WRN: variants seen among roughly 807,000 people sequenced by gnomAD.
WRN encodes bifunctional 3'-5' exonuclease/ATP-dependent helicase WRN.
A neutral mutation model predicts 180.7 loss-of-function variants in WRN; 149 were observed. The ratio of observed to expected loss-of-function variants is 0.82; its 90% CI spans 0.72 to 0.94. WRN has a LOEUF of 0.94. Ranked by LOEUF, WRN falls within the 40% of genes least tolerant of loss-of-function variation. WRN has a pLI of 0.00. For missense variants in WRN, 1,661 were observed against 1,700.1 expected (o/e 0.98, Z 0.40); for synonymous variants, 548 against 568.9 (o/e 0.96, Z 0.52).
intron 16 of WRN, among the ~76,000 whole-genome samples, chr8:31,094,888 T>C (rs1164872859): frequency 6.6e-6 from 1 of 152,208 alleles, no homozygotes; most frequent in Non-Finnish European, 1.5e-5. Context: ...TTGGGTTGTT[T>C]CCTTTTTGGC....
At chr8:31,040,771 G>T (rs951123967) in intron 1 of WRN, among the ~76,000 whole-genome samples, 1 of 152,184 alleles carries the variant, frequency 6.6e-6, no homozygotes, top group Non-Finnish European at 1.5e-5. Flanking sequence ...CGTTTGAGTA[G>T]TTTTCCTACA....
chr8:31,089,173 A>G (rs1251896831), intron 13 of WRN, among the ~76,000 whole-genome samples: 2 of 152,134 alleles, frequency 1.3e-5, no homozygotes, highest in Non-Finnish European at 2.9e-5. Flanking sequence ...TAAGTGAGGA[A>G]AAATGGTTTT....
intron 1 of WRN, among the ~76,000 whole-genome samples, chr8:31,048,355 G>T (rs1171724376): frequency 1.3e-5 from 2 of 152,020 alleles, no homozygotes; most frequent in African/African-American, 4.8e-5. Context: ...GCATTCTTTG[G>T]TTTTTCTCTG....
rs1374804871 is a variant in WRN at position 31,059,248 on chromosome 8, C to G, written c.192C>G (p.Phe64Leu). The change falls in exon 3 of 35, where the codon TTC (phenylalanine) becomes TTG (leucine). Residue 64 changes from phenylalanine to leucine, a missense_variant. Transcript: ENST00000298139. ...GTTACGATGCTAGTGATTGCTCTTTCCTGTCAGAAGATATTAGGTAAGTGA... is the reference window on the plus strand; with the variant it reads ...GTTACGATGCTAGTGATTGCTCTTTGCTGTCAGAAGATATTAGGTAAGTGA... ...VYSYDASDCSFLSEDISMSLS... is the reference protein window; with the variant it reads ...VYSYDASDCSLLSEDISMSLS... 10 of 1,613,264 alleles carry G rather than the reference C, an allele frequency of 6.2e-6. No homozygotes were observed. In the South Asian group the frequency reaches 1.1e-4, roughly 18 times the overall value.
chr8:31,093,462 A>G (rs1264415156), intron 16 of WRN, among the ~76,000 whole-genome samples: 1 of 152,174 alleles, frequency 6.6e-6, no homozygotes, highest in Non-Finnish European at 1.5e-5. Context: ...TTCATTGAAT[A>G]TAGCACAGTT....
At chr8:31,076,973 A>G (rs544057927) in intron 8 of WRN, among the ~76,000 whole-genome samples, 3 of 152,320 alleles carry the variant, frequency 2.0e-5, no homozygotes, top group Non-Finnish European at 4.4e-5. Flanking sequence ...AAAAGCAGGA[A>G]TGCTCTGGAA....
At chr8:31,091,963 C>G (rs115351572) in intron 16 of WRN, 65 bp downstream of exon 16, 2 of 1,423,560 alleles carry the variant, frequency 1.4e-6, no homozygotes, top group Non-Finnish European at 2.0e-6. Context: ...AAGTTTGTTA[C>G]GTGGGTGAAT....
At chr8:31,043,834 T>A (rs1226263764) in intron 1 of WRN, among the ~76,000 whole-genome samples, 1 of 152,126 alleles carries the variant, frequency 6.6e-6, no homozygotes, top group Non-Finnish European at 1.5e-5. Flanking sequence ...CCCTATTAAT[T>A]GGTACCTCAC....
intron 30 of WRN, 55 bp from the exon 31 acceptor site, chr8:31,150,286 T>A (rs182411356): frequency 7.2e-7 from 1 of 1,385,048 alleles, no homozygotes; most frequent in East Asian, 2.3e-5. Flanking sequence ...GGAGTGATAC[T>A]GTTTCAGTGG....
chr8:31,048,773 T>C (rs1057256868), intron 1 of WRN, among the ~76,000 whole-genome samples: 6 of 152,224 alleles, frequency 3.9e-5, no homozygotes, highest in African/African-American at 1.4e-4. Context: ...AATTAGGGTA[T>C]TGACAACCAA....
chr8:31,128,335 A>G (rs1802007742), intron 23 of WRN, among the ~76,000 whole-genome samples: 1 of 151,846 alleles, frequency 6.6e-6, no homozygotes, highest in South Asian at 2.1e-4. Context: ...GGAGCCCTAG[A>G]GCAAGCAACT....
At chr8:31,146,828 T>C (rs1802872872) in intron 28 of WRN, among the ~76,000 whole-genome samples, 1 of 152,210 alleles carries the variant, frequency 6.6e-6, no homozygotes, top group African/African-American at 2.4e-5. Context: ...AATTTTGTGA[T>C]GAACTCAAAT....
chr8:31,147,848 A>G (rs541963124), intron 30 of WRN, among the ~76,000 whole-genome samples: 2 of 150,914 alleles, frequency 1.3e-5, no homozygotes, highest in East Asian at 3.9e-4. Context: ...CTCTCCTCCA[A>G]TATAAAACCC....
intron 8 of WRN, among the ~76,000 whole-genome samples, chr8:31,076,973 A>T (rs544057927): frequency 6.6e-6 from 1 of 152,202 alleles, no homozygotes; most frequent in African/African-American, 2.4e-5. Context: ...AAAAGCAGGA[A>T]TGCTCTGGAA....
chr8:31,122,882 T>TTG (rs1801778911), intron 21 of WRN, among the ~76,000 whole-genome samples: 6 of 143,142 alleles, frequency 4.2e-5, no homozygotes, highest in Admixed American at 4.2e-4. Context: ...TTTTTTTTTT[T>TTG]TTTCTATAGG....
intron 1 of WRN, among the ~76,000 whole-genome samples, chr8:31,042,240 A>G (rs764438383): frequency 7.2e-5 from 11 of 152,192 alleles, no homozygotes; most frequent in African/African-American, 2.7e-4. Context: ...GGATGCAGAC[A>G]AGATCACTGG....
At chr8:31,132,013 A>C (rs907636578) in intron 23 of WRN, among the ~76,000 whole-genome samples, 1 of 138,600 alleles carries the variant, frequency 7.2e-6, no homozygotes, top group South Asian at 2.3e-4. Context: ...CAATATTTAT[A>C]TAATTGGTCA....
At chr8:31,125,584 A>G (rs183633694) in intron 23 of WRN, among the ~76,000 whole-genome samples, 16 of 133,222 alleles carry the variant, frequency 1.2e-4, no homozygotes, top group Non-Finnish European at 2.1e-4. Context: ...AGGGAAAGGA[A>G]GAACAAATAT....
chr8:31,091,744 T>C (rs955236516), intron 15 of WRN, 86 bp from the exon 16 acceptor site: 43 of 1,269,286 alleles, frequency 3.4e-5, no homozygotes, highest in African/African-American at 4.5e-5. Flanking sequence ...TAAATTATTA[T>C]ATTTCTTTAT....
Sources: gnomAD v4.1 joint callset for allele counts (sites outside exome capture counted in the v4.1 genomes callset) on GRCh38, gnomAD v4.1.1 for gene constraint, MANE v1.5 for transcripts, NCBI Gene and HGNC (gene_info 2026-07-23, HGNC 2026-07-21) for gene names.